ARHGAP15: variants seen among roughly 807,000 people sequenced by gnomAD.
The protein encoded by ARHGAP15 is rho GTPase-activating protein 15.
ARHGAP15 carries 51 observed loss-of-function variants against 63.7 expected under a neutral mutation model. The ratio of observed to expected loss-of-function variants is 0.80; its 90% CI spans 0.64 to 1.01. ARHGAP15 has a LOEUF of 1.01. ARHGAP15 is among the 50% of genes least tolerant of loss of function. The pLI is 0.00. For missense variants in ARHGAP15, 560 were observed against 564.6 expected, an observed-to-expected ratio of 0.99 and a Z score of 0.08; for synonymous variants, 191 against 193.8, an observed-to-expected ratio of 0.99 and a Z score of 0.12.
In ARHGAP15 at chr2:143,289,700, A is replaced by G. The variant is rs1682291751; in HGVS notation, c.474+39100A>G. 2.0e-5 allele frequency among the ~76,000 whole-genome samples: 3 copies of G among 152,212 alleles called. No homozygotes were observed. In the South Asian group the frequency reaches 6.2e-4, roughly 31 times the overall value. ...ATGTTTATATAAAGGACAAGTAAAG[A>G]AACCTTAAATCTGGTGCCCTCTTAA... On this transcript the variant is annotated intron_variant, in intron 6 of 13. Coordinates refer to ENST00000295095, the MANE Select transcript of ARHGAP15 (RefSeq NM_018460.4).
chr2:143,164,118 G>C (rs575221188), intron 2 of ARHGAP15, among the ~76,000 whole-genome samples: 17 of 151,906 alleles, frequency 1.1e-4, no homozygotes, highest in South Asian at 1.0e-3. Flanking sequence ...TTTTAATAAG[G>C]GACTTCAGTC....
chr2:143,624,348 A>T (rs1698758100), intron 12 of ARHGAP15, 81 bp downstream of exon 12: 7 of 1,390,780 alleles, frequency 5.0e-6, no homozygotes, highest in South Asian at 1.6e-5. Context: ...GAATGATTAT[A>T]ATAATAATCA....
chr2:143,628,908 C>T (rs1698951050), intron 12 of ARHGAP15, among the ~76,000 whole-genome samples: 1 of 152,066 alleles, frequency 6.6e-6, no homozygotes, highest in African/African-American at 2.4e-5. Flanking sequence ...TACCCCCAAG[C>T]CCAGTTTGTG....
chr2:143,536,186 T>C (rs903338327), intron 10 of ARHGAP15, among the ~76,000 whole-genome samples: 11 of 152,180 alleles, frequency 7.2e-5, no homozygotes, highest in African/African-American at 2.7e-4. Flanking sequence ...TTGACCAACA[T>C]TTTCTCATTC....
chr2:143,423,192 C>A (rs1689001657), intron 6 of ARHGAP15, among the ~76,000 whole-genome samples: 1 of 152,092 alleles, frequency 6.6e-6, no homozygotes, highest in Non-Finnish European at 1.5e-5. Context: ...CCTTAGAAGG[C>A]AGTGGTATGT....
chr2:143,210,017 C>T (rs1692505255), intron 3 of ARHGAP15, among the ~76,000 whole-genome samples: 1 of 152,156 alleles, frequency 6.6e-6, no homozygotes, highest in Non-Finnish European at 1.5e-5. Flanking sequence ...CTTTCTTCCC[C>T]ACTGCCTAGA....
chr2:143,647,451 T>C (rs1468131568), intron 12 of ARHGAP15, among the ~76,000 whole-genome samples: 1 of 151,892 alleles, frequency 6.6e-6, no homozygotes, highest in Non-Finnish European at 1.5e-5. Flanking sequence ...GATCGAAGGA[T>C]TATGGAAAGA....
intron 6 of ARHGAP15, among the ~76,000 whole-genome samples, chr2:143,306,878 CACACATTTATAATTTT>C (rs1442916970): frequency 5.3e-5 from 8 of 152,066 alleles, no homozygotes; most frequent in Non-Finnish European, 1.2e-4. Context: ...CTTAAAACAA[CACACATTTATAATTTT>C]ACAGTGTCCA....
chr2:143,458,673 A>C (rs72853758), intron 8 of ARHGAP15, among the ~76,000 whole-genome samples: 1 of 152,198 alleles, frequency 6.6e-6, no homozygotes. Flanking sequence ...TGAATAGTTT[A>C]GTGAGGAGAA....
Position 143,139,259 on chromosome 2 carries a change from G to C in ARHGAP15, c.-15+9793G>C, listed in dbSNP as rs11884443. On this transcript the variant is annotated intron_variant, in intron 1 of 13. Transcript: ENST00000295095. The stretch of plus-strand genomic sequence containing the variant: ...TTTCGATTACATCTCTACTCCTGAA[G>C]TCATATTATTAAGGGACATGATATC... Among the ~76,000 whole-genome samples the C allele has an allele frequency of 4.9e-3, 746 of 152,086 alleles. 5 individuals are homozygous for C. The highest frequency in any genetic ancestry group is 0.017 in the African/African-American group (701 of 41,512).
intron 8 of ARHGAP15, among the ~76,000 whole-genome samples, chr2:143,461,903 T>G (rs1166604620): frequency 6.6e-6 from 1 of 152,128 alleles, no homozygotes; most frequent in Non-Finnish European, 1.5e-5. Context: ...CTGCTGTGGC[T>G]CATGCCTGTA....
At chr2:143,472,010 G>C (rs1691600370) in intron 8 of ARHGAP15, 1 of 152,128 alleles carries the variant, frequency 6.6e-6, no homozygotes, top group African/African-American at 2.4e-5. Context: ...CCCCAGAGCT[G>C]ACATTCCATC....
At chr2:143,648,455 C>T (rs1574769141) in intron 12 of ARHGAP15, among the ~76,000 whole-genome samples, 3 of 151,946 alleles carry the variant, frequency 2.0e-5, no homozygotes, top group African/African-American at 7.2e-5. Context: ...AGAATAAGAG[C>T]CATTTGTTCC....
Position 143,703,516 on chromosome 2 carries a change from TCTAA to T in ARHGAP15, c.1241_1244del (p.Thr414ArgfsTer2). The T allele has an allele frequency of 6.2e-7, 1 of 1,605,126 alleles. No individual in the cohort carries two copies. Among genetic ancestry groups the T allele is most frequent in the Non-Finnish European group, 8.5e-7 (1 of 1,175,708 alleles). On this transcript the variant is annotated frameshift_variant, in exon 13 of 14. Transcript: ENST00000295095. LOFTEE classifies it high-confidence loss of function. ...ACACCATGAAAGTCCTCTTTGGACA[TCTAA>T]CTAAGTAAGTTGTAAGGATTTCTGG...
At chr2:143,449,802 AT>A (rs972473676) in intron 8 of ARHGAP15, among the ~76,000 whole-genome samples, 1 of 151,802 alleles carries the variant, frequency 6.6e-6, no homozygotes, top group African/African-American at 2.4e-5. Context: ...ATAAAACCTC[AT>A]TTTTTTTCAT....
chr2:143,492,923 T>C (rs1165450460), intron 9 of ARHGAP15, among the ~76,000 whole-genome samples: 1 of 152,030 alleles, frequency 6.6e-6, no homozygotes, highest in Non-Finnish European at 1.5e-5. Flanking sequence ...CCAGCCGTGG[T>C]GGCGGGCACC....
intron 3 of ARHGAP15, among the ~76,000 whole-genome samples, chr2:143,205,899 C>A (rs1410853335): frequency 1.3e-5 from 2 of 152,074 alleles, no homozygotes; most frequent in Non-Finnish European, 1.5e-5. Context: ...CCTTGAAATG[C>A]TTCTGACCTT....
intron 6 of ARHGAP15, among the ~76,000 whole-genome samples, chr2:143,291,274 G>A (rs59347394): frequency 2.6e-5 from 4 of 152,192 alleles, no homozygotes; most frequent in African/African-American, 9.6e-5. Context: ...AGTATTTTGG[G>A]GGGTACTTGG....
intron 6 of ARHGAP15, among the ~76,000 whole-genome samples, chr2:143,330,199 T>C (rs983187144): frequency 2.7e-5 from 4 of 149,132 alleles, no homozygotes; most frequent in African/African-American, 7.4e-5. Flanking sequence ...CTTCAATGTT[T>C]AGTGTTTATT....
Sources: allele counts gnomAD v4.1 joint callset (sites outside exome capture counted in the v4.1 genomes callset), GRCh38; gene constraint gnomAD v4.1.1; transcripts MANE v1.5; gene names NCBI Gene and HGNC (gene_info 2026-07-23, HGNC 2026-07-21).